The following TRIM52 variants were observed in gnomAD, a reference collection of about 807,000 sequenced individuals.
The protein encoded by TRIM52 is tripartite motif containing 52.
A neutral mutation model predicts 27.0 loss-of-function variants in TRIM52; 24 were observed. That is an observed-to-expected ratio of 0.89 (90% CI 0.64 to 1.25). The LOEUF is 1.25. TRIM52 is among the 50% of genes most tolerant of loss of function. The pLI, the probability that TRIM52 is intolerant of heterozygous loss-of-function variation, is 0.00. For missense variants in TRIM52, 351 were observed against 354.7 expected (o/e 0.99, Z 0.08); for synonymous variants, 125 against 126.5 (o/e 0.99, Z 0.08).
In TRIM52 at chr5:181,256,973, G is replaced by A. The variant is rs564267664; in HGVS notation, c.814-114C>T. ...AAAACAAGGAGTACTGATGATGGAA[G>A]CATCTGGTCCCTCTTGCAGAGTGAT... On this transcript the variant is annotated intron_variant, in intron 1 of 1. Transcript: ENST00000688015. 20 of 986,866 alleles carry A rather than the reference G, an allele frequency of 2.0e-5. No individual in the cohort carries two copies. In the South Asian group the frequency reaches 7.5e-4, roughly 37 times the overall value. The allele number at this position is 986,866 out of a possible 1,614,324, so 61.1% of individuals were successfully genotyped here.
chr5:181,251,768 T>C (rs530299843), downstream of TRIM52, among the ~76,000 whole-genome samples: 2 of 152,298 alleles, frequency 1.3e-5, no homozygotes, highest in African/African-American at 4.8e-5. Context: ...GGCCATCTCC[T>C]CTCCTCAGAC....
At chr5:181,259,843 A>T (rs1339849060) in intron 1 of TRIM52, 158 bp downstream of exon 1, 1 of 1,496,954 alleles carries the variant, frequency 6.7e-7, no homozygotes, top group East Asian at 2.3e-5. Flanking sequence ...TTTTTTACCC[A>T]TATGACCATC....
In TRIM52 at chr5:181,255,636, C is replaced by T. The variant is rs1376130858; in HGVS notation, c.*1173G>A. 1 of 152,178 alleles carries T rather than the reference C, an allele frequency of 6.6e-6. No homozygotes were observed. Among genetic ancestry groups the T allele is most frequent in the African/African-American group, 2.4e-5 (1 of 41,440 alleles). 9.4% of individuals were successfully genotyped at this position (152,178 alleles called of 1,614,324 possible). A position where few individuals can be genotyped will look rare whatever the true frequency, so the allele number is the denominator to read the frequency against. ...ATGAATCTGGTCCTTGAAAGACTAGCCAAGAAAATTAGACATTTTTAGCAT... is the reference window on the plus strand; with the variant it reads ...ATGAATCTGGTCCTTGAAAGACTAGTCAAGAAAATTAGACATTTTTAGCAT... On this transcript the variant is annotated 3_prime_UTR_variant, in exon 2 of 2. Coordinates refer to ENST00000688015, the MANE Select transcript of TRIM52 (RefSeq NM_001346048.2).
rs1759732518 is a variant in TRIM52 at position 181,255,379 on chromosome 5, T to A, written c.*1430A>T. ...AGTGGATAAAGCCTTTTCATCTGTT[T>A]AGTCATTTTACACCCAAGTTTCTCT... On this transcript the variant is annotated 3_prime_UTR_variant, in exon 2 of 2. Coordinates refer to ENST00000688015, the MANE Select transcript of TRIM52 (RefSeq NM_001346048.2). 6.6e-6 allele frequency: 1 copy of A among 152,378 alleles called. No individual in the cohort carries two copies. The highest frequency in any genetic ancestry group is 2.4e-5 in the African/African-American group (1 of 41,592). The allele number at this position is 152,378 out of a possible 1,614,324, so 9.4% of individuals were successfully genotyped here. A position where few individuals can be genotyped will look rare whatever the true frequency, so the allele number is the denominator to read the frequency against.
chr5:181,253,970 C>T (rs1759692985), downstream of TRIM52, among the ~76,000 whole-genome samples: 1 of 140,718 alleles, frequency 7.1e-6, no homozygotes, highest in African/African-American at 3.0e-5. Context: ...GACCCTGGCT[C>T]AAACAAAACA....
In TRIM52 at chr5:181,255,391, A is replaced by G. The variant is rs1685780271; in HGVS notation, c.*1418T>C. ...CTTTTCATCTGTTTAGTCATTTTAC[A>G]CCCAAGTTTCTCTGGAGTATTTGCC... On this transcript the variant is annotated 3_prime_UTR_variant, in exon 2 of 2. Coordinates refer to ENST00000688015, the MANE Select transcript of TRIM52 (RefSeq NM_001346048.2). 1.3e-5 allele frequency: 2 copies of G among 152,324 alleles called. No individual in the cohort carries two copies. The highest frequency in any genetic ancestry group is 1.3e-4 in the Admixed American group (2 of 15,308). The allele number at this position is 152,324 out of a possible 1,614,324, so 9.4% of individuals were successfully genotyped here.
At chr5:181,253,624 A>G (rs372727217), downstream of TRIM52, among the ~76,000 whole-genome samples, 1 of 142,856 alleles carries the variant, frequency 7.0e-6, no homozygotes, top group African/African-American at 2.9e-5. Flanking sequence ...GCTACTAAGT[A>G]TCCTATAATG....
downstream of TRIM52, among the ~76,000 whole-genome samples, chr5:181,251,202 G>C (rs1421045389): frequency 6.6e-6 from 1 of 152,064 alleles, no homozygotes; most frequent in African/African-American, 2.4e-5. Context: ...GCTGAGGCAG[G>C]AGAACTGCTT....
chr5:181,255,886 G>T lies in TRIM52; in HGVS notation c.*923C>A, dbSNP rs1246362936. 3.3e-5 allele frequency: 5 copies of T among 152,160 alleles called. No homozygotes were observed. The highest frequency in any genetic ancestry group is 5.9e-5 in the Non-Finnish European group (4 of 68,034). 9.4% of individuals were successfully genotyped at this position (152,160 alleles called of 1,614,324 possible). ...GTTCTTCCAACCTTGGGGTTGTTCTGTCCACAAGTTCAGCAGAATCCGTTT... is the reference window on the plus strand; with the variant it reads ...GTTCTTCCAACCTTGGGGTTGTTCTTTCCACAAGTTCAGCAGAATCCGTTT... On this transcript the variant is annotated 3_prime_UTR_variant, in exon 2 of 2. Transcript: ENST00000688015.
At chr5:181,259,709 C>T in intron 1 of TRIM52, 1 of 508,808 alleles carries the variant, frequency 2.0e-6, no homozygotes, top group Non-Finnish European at 3.5e-6. Flanking sequence ...TTACTCACGT[C>T]CCTTACACTT....
chr5:181,259,497 G>C (rs1011052259), intron 1 of TRIM52: 13 of 177,800 alleles, frequency 7.3e-5, no homozygotes, highest in South Asian at 5.8e-4. Context: ...TTTCAGAGGG[G>C]GGGTGTGGCC....
chr5:181,257,285 A>G (rs973699108), intron 1 of TRIM52: 5 of 1,304,518 alleles, frequency 3.8e-6, no homozygotes, highest in Non-Finnish European at 4.9e-6. Context: ...TCTTACAGAA[A>G]ATCAAATTTT....
Position 181,256,868 on chromosome 5 carries a change from T to TA in TRIM52, c.814-10dup. On this transcript the variant is annotated splice_polypyrimidine_tract_variant and intron_variant, in intron 1 of 1. Coordinates refer to ENST00000688015, the MANE Select transcript of TRIM52 (RefSeq NM_001346048.2). The stretch of plus-strand genomic sequence containing the variant: ...GAAGTTGACCCTATCTTCTGCAAAA[T>TA]AACATGAGTATATACTTGAGAAAAG... The TA allele has an allele frequency of 1.0e-6, 1 of 985,466 alleles. No individual in the cohort carries two copies. The highest frequency in any genetic ancestry group is 1.2e-6 in the Non-Finnish European group (1 of 829,950). 61.0% of individuals were successfully genotyped at this position (985,466 alleles called of 1,614,324 possible). A position where few individuals can be genotyped will look rare whatever the true frequency, so the allele number is the denominator to read the frequency against.
chr5:181,260,011 T>C lies in TRIM52; in HGVS notation c.803A>G (p.Gln268Arg), dbSNP rs201912827. 3.0e-4 allele frequency: 491 copies of C among 1,613,898 alleles called. No homozygotes were observed. Among genetic ancestry groups the C allele is most frequent in the Non-Finnish European group, 3.9e-4 (461 of 1,180,040 alleles). ...HSVLPLEEVV[Q>R]EYQKIGSTSS... Reference sequence around the variant, plus strand: ...CCTCATTTCTCTCACCTGGTACTCCTGCACCACCTCCTCCAAAGGCAGCAC... The same window carrying C: ...CCTCATTTCTCTCACCTGGTACTCCCGCACCACCTCCTCCAAAGGCAGCAC... The change falls in exon 1 of 2, where the codon CAG (glutamine) becomes CGG (arginine). Residue 268 changes from glutamine to arginine, a missense_variant. By Grantham distance (43) the Gln-to-Arg change is conservative. Coordinates refer to ENST00000688015, the MANE Select transcript of TRIM52 (RefSeq NM_001346048.2). This position sits in a 1 kb window ranked among gnomAD's most constrained non-coding sequence, Gnocchi z 4.4.
chr5:181,255,339 A>T lies in TRIM52; in HGVS notation c.*1470T>A, dbSNP rs1759731108. The T allele has an allele frequency of 6.6e-6, 1 of 152,236 alleles. No individual in the cohort carries two copies. The highest frequency in any genetic ancestry group is 2.4e-5 in the African/African-American group (1 of 41,462). The allele number at this position is 152,236 out of a possible 1,614,324, so 9.4% of individuals were successfully genotyped here. ...AAATAAAAAAGCTTTTTAAGGTGTA[A>T]GGAGCAAATGGAATAGTGGATAAAG... On this transcript the variant is annotated 3_prime_UTR_variant, in exon 2 of 2. Coordinates refer to ENST00000688015, the MANE Select transcript of TRIM52 (RefSeq NM_001346048.2).
rs759329485 is a variant in TRIM52 at position 181,260,240 on chromosome 5, G to A, written c.574C>T (p.Arg192Cys). The change falls in exon 1 of 2, where the codon CGT (arginine) becomes TGT (cysteine). Residue 192 changes from arginine to cysteine, a missense_variant. Coordinates refer to ENST00000688015, the MANE Select transcript of TRIM52 (RefSeq NM_001346048.2). This position sits in a 1 kb window ranked among gnomAD's most constrained non-coding sequence, Gnocchi z 4.4. ...TGCAAGTTGGGACGAAAGCTGCGAC[G>A]TGTAAAGCTCTTTCGGCACTGGGGG... ...TCPQCRKSFT[R>C]RSFRPNLQLA... The A allele has an allele frequency of 3.1e-6, 5 of 1,614,240 alleles. No homozygotes were observed. The highest frequency in any genetic ancestry group is 2.2e-5 in the East Asian group (1 of 44,888).
downstream of TRIM52, among the ~76,000 whole-genome samples, chr5:181,249,283 T>A (rs1759586209): frequency 6.6e-6 from 1 of 152,128 alleles, no homozygotes; most frequent in African/African-American, 2.4e-5. Flanking sequence ...TCCTACGAAG[T>A]GGCACTAAAG....
intron 1 of TRIM52, chr5:181,257,398 C>G (rs1421247445): frequency 3.1e-6 from 5 of 1,593,484 alleles, no homozygotes; most frequent in Non-Finnish European, 4.3e-6. Flanking sequence ...TGTGGCTACC[C>G]AACTTTTCAC....
chr5:181,250,365 GTC>G (rs1158183609), downstream of TRIM52, among the ~76,000 whole-genome samples: 7 of 152,092 alleles, frequency 4.6e-5, no homozygotes, highest in African/African-American at 1.2e-4. Context: ...GCAAAACCCT[GTC>G]TCTCCTAAAA....
Sources: gnomAD v4.1 joint callset for allele counts (sites outside exome capture counted in the v4.1 genomes callset) on GRCh38, gnomAD v4.1.1 for gene constraint, Gnocchi (gnomAD v3.1) non-coding constraint, MANE v1.5 for transcripts, NCBI Gene and HGNC (gene_info 2026-07-23, HGNC 2026-07-21) for gene names.